WWOX: variants seen among roughly 807,000 people sequenced by gnomAD.
The protein encoded by WWOX is WW domain containing oxidoreductase.
Under a neutral mutation model 46.2 loss-of-function variants are expected in WWOX, and 69 were observed. The observed-to-expected ratio is 1.49, with a 90% CI of 1.23 to 1.82. WWOX has a LOEUF of 1.82. WWOX is among the 40% of genes most tolerant of loss of function. The pLI is 0.00. For missense variants in WWOX, 919 were observed against 542.6 expected (o/e 1.69, Z -6.89); for synonymous variants, 359 against 202.6 (o/e 1.77, Z -6.56).
intron 5 of WWOX, among the ~76,000 whole-genome samples, chr16:78,337,569 C>G (rs983928548): frequency 6.6e-6 from 1 of 152,124 alleles, no homozygotes; most frequent in Non-Finnish European, 1.5e-5. Context: ...TGACAGGTGT[C>G]TGTCATTTCA....
intron 5 of WWOX, among the ~76,000 whole-genome samples, chr16:78,218,759 C>T (rs191402014): frequency 6.6e-5 from 10 of 152,340 alleles, no homozygotes; most frequent in Admixed American, 1.3e-4. Flanking sequence ...CAGTGTGCGC[C>T]GTGCAGTGTG....
chr16:78,513,998 G>T (rs538730695), intron 8 of WWOX, among the ~76,000 whole-genome samples: 5 of 150,144 alleles, frequency 3.3e-5, no homozygotes, highest in Admixed American at 1.3e-4. Context: ...GGTTCACACA[G>T]TGTTGCGAAA....
chr16:78,175,770 G>A (rs188022370), intron 5 of WWOX, among the ~76,000 whole-genome samples: 44 of 152,338 alleles, frequency 2.9e-4, no homozygotes, highest in Admixed American at 6.5e-4. Context: ...AATGGTTACT[G>A]TTTTAAGCCA....
intron 5 of WWOX, among the ~76,000 whole-genome samples, chr16:78,287,484 AG>A (rs2079788229): frequency 6.6e-6 from 1 of 152,214 alleles, no homozygotes; most frequent in Non-Finnish European, 1.5e-5. Context: ...TAGTTCAAAA[AG>A]AATTGTGTTA....
intron 8 of WWOX, among the ~76,000 whole-genome samples, chr16:78,998,859 C>G (rs374325839): frequency 2.0e-5 from 3 of 152,324 alleles, no homozygotes; most frequent in Admixed American, 6.5e-5. Flanking sequence ...GAACACATCT[C>G]AAAGTTCCCT....
At chr16:78,367,363 C>A (rs2081561020) in intron 5 of WWOX, among the ~76,000 whole-genome samples, 1 of 152,056 alleles carries the variant, frequency 6.6e-6, no homozygotes, top group Admixed American at 6.6e-5. Flanking sequence ...GCTTTGCAGC[C>A]CAACACAAAT....
chr16:78,914,681 T>C (rs554010846), intron 8 of WWOX, among the ~76,000 whole-genome samples: 10 of 151,616 alleles, frequency 6.6e-5, no homozygotes, highest in East Asian at 3.9e-4. Flanking sequence ...AGATCCAGAC[T>C]ATCCTGGCTA....
chr16:78,174,725 C>A (rs776445556), intron 5 of WWOX, among the ~76,000 whole-genome samples: 1 of 152,160 alleles, frequency 6.6e-6, no homozygotes, highest in Non-Finnish European at 1.5e-5. Context: ...TGGTGGCTCA[C>A]ACCTGTAATC....
At chr16:78,320,809 T>C (rs1019393921) in intron 5 of WWOX, among the ~76,000 whole-genome samples, 4 of 152,204 alleles carry the variant, frequency 2.6e-5, no homozygotes, top group African/African-American at 9.6e-5. Flanking sequence ...TAGAAAACTT[T>C]GACATCATCT....
intron 8 of WWOX, among the ~76,000 whole-genome samples, chr16:78,900,442 T>G (rs1386300011): frequency 6.6e-6 from 1 of 152,222 alleles, no homozygotes; most frequent in Non-Finnish European, 1.5e-5. Flanking sequence ...AATGAGACTT[T>G]CTGTTAGGAA....
intron 8 of WWOX, among the ~76,000 whole-genome samples, chr16:78,591,396 A>T (rs556788415): frequency 6.6e-6 from 1 of 152,300 alleles, no homozygotes; most frequent in East Asian, 1.9e-4. Context: ...GTAACAGCCC[A>T]GTACACAACT....
At chr16:79,111,385 C>G (rs1003542183) in intron 8 of WWOX, among the ~76,000 whole-genome samples, 21 of 152,150 alleles carry the variant, frequency 1.4e-4, no homozygotes, top group Admixed American at 6.5e-4. Context: ...TGCAGCAATT[C>G]CTTTTTCTGG....
chr16:78,136,208 A>T (rs1159551145), intron 4 of WWOX, among the ~76,000 whole-genome samples: 1 of 152,236 alleles, frequency 6.6e-6, no homozygotes, highest in African/African-American at 2.4e-5. Context: ...TAAAAGGTTC[A>T]ATAATGATTA....
At chr16:78,507,301 A>G (rs1010131307) in intron 8 of WWOX, among the ~76,000 whole-genome samples, 4 of 152,218 alleles carry the variant, frequency 2.6e-5, no homozygotes, top group Non-Finnish European at 4.4e-5. Context: ...TTCACATTCA[A>G]AATGTAAATT....
At chr16:78,983,386 G>C (rs968740485) in intron 8 of WWOX, among the ~76,000 whole-genome samples, 17 of 152,070 alleles carry the variant, frequency 1.1e-4, no homozygotes, top group Non-Finnish European at 2.5e-4. Context: ...CATTCTCCTT[G>C]GATAGGATGG....
chr16:78,555,453 T>C (rs1045443376), intron 8 of WWOX, among the ~76,000 whole-genome samples: 7 of 152,170 alleles, frequency 4.6e-5, no homozygotes, highest in South Asian at 2.1e-4. Context: ...AAATTACTTA[T>C]TCTCTTTGCA....
chr16:78,677,560 C>A (rs566140437), intron 8 of WWOX, among the ~76,000 whole-genome samples: 1 of 152,292 alleles, frequency 6.6e-6, no homozygotes, highest in African/African-American at 2.4e-5. Flanking sequence ...AGTTATGGGT[C>A]CTTTCAGACA....
chr16:78,113,118 A>G (rs894388462), intron 3 of WWOX, among the ~76,000 whole-genome samples: 6 of 152,340 alleles, frequency 3.9e-5, no homozygotes, highest in East Asian at 1.9e-4. Context: ...AACCAAGAGC[A>G]GCAGTTCTCA....
chr16:79,014,092 G>A (rs909979586), intron 8 of WWOX, among the ~76,000 whole-genome samples: 1 of 152,144 alleles, frequency 6.6e-6, no homozygotes, highest in Non-Finnish European at 1.5e-5. Flanking sequence ...GCATTTCGTC[G>A]CTTTAGCCCG....
Sources: gnomAD v4.1 joint callset for allele counts (sites outside exome capture counted in the v4.1 genomes callset) on GRCh38, gnomAD v4.1.1 for gene constraint, MANE v1.5 for transcripts, NCBI Gene and HGNC (gene_info 2026-07-23, HGNC 2026-07-21) for gene names.